Variants in LDAH observed in about 807,000 individuals in gnomAD.
The protein encoded by LDAH is lipid droplet associated hydrolase, also known as lipid droplet-associated hydrolase.
Under a neutral mutation model 29.6 loss-of-function variants are expected in LDAH, and 26 were observed. The ratio of observed to expected loss-of-function variants is 0.88; its 90% CI spans 0.64 to 1.22. The LOEUF is 1.22. Among genes scored for constraint, LDAH ranks in the 50% most tolerant of loss-of-function variants. LDAH has a pLI of 0.00. For missense variants in LDAH, 344 were observed against 387.3 expected (o/e 0.89, Z 0.94); for synonymous variants, 117 against 133.0 (o/e 0.88, Z 0.83).
At chr2:20,700,751 T>A (rs1013600914) in intron 6 of LDAH, among the ~76,000 whole-genome samples, 1 of 152,200 alleles carries the variant, frequency 6.6e-6, no homozygotes, top group African/African-American at 2.4e-5. Context: ...TAATAATATG[T>A]TTTACTTAAT....
chr2:20,764,776 G>C (rs1475179657), intron 4 of LDAH, among the ~76,000 whole-genome samples: 1 of 152,176 alleles, frequency 6.6e-6, no homozygotes, highest in Non-Finnish European at 1.5e-5. Flanking sequence ...CTAGAAAACA[G>C]GTAGTGGGAA....
chr2:20,726,557 A>G (rs67890248), intron 5 of LDAH, among the ~76,000 whole-genome samples: 35,682 of 151,912 alleles, frequency 0.23, 4,700 homozygotes, highest in East Asian at 0.35. Context: ...ACCTTCTTCC[A>G]AGGGAAAATT....
At chr2:20,822,866 G>A (rs1673433986) in intron 1 of LDAH, among the ~76,000 whole-genome samples, 171 bp downstream of exon 1, 1 of 152,222 alleles carries the variant, frequency 6.6e-6, no homozygotes. Flanking sequence ...AAGTGGCTCC[G>A]AACTCGCGAG....
intron 3 of LDAH, among the ~76,000 whole-genome samples, chr2:20,780,236 G>A (rs1400923499): frequency 6.6e-6 from 1 of 152,144 alleles, no homozygotes; most frequent in Non-Finnish European, 1.5e-5. Context: ...CCAAGCATAT[G>A]TTTTATAAAA....
At chr2:20,818,402 G>A (rs1489772569) in intron 1 of LDAH, among the ~76,000 whole-genome samples, 1 of 152,088 alleles carries the variant, frequency 6.6e-6, no homozygotes, top group African/African-American at 2.4e-5. Flanking sequence ...AAACATACAG[G>A]TGAAAGTCAA....
Position 20,701,658 on chromosome 2 carries a change from T to A in LDAH, c.704-6A>T, listed in dbSNP as rs879141271. On this transcript the variant is annotated splice_region_variant and splice_polypyrimidine_tract_variant and intron_variant, in intron 5 of 6. Coordinates refer to ENST00000237822, the MANE Select transcript of LDAH (RefSeq NM_021925.4). ...CCCAAGGTAGGCAGCATTAGCTACA[T>A]TTAAAAAATAAAAAGTCAAACATTT... 1 of 1,611,404 alleles carries A rather than the reference T, an allele frequency of 6.2e-7. No individual in the cohort carries two copies. Among genetic ancestry groups the A allele is most frequent in the Admixed American group, 1.7e-5 (1 of 60,004 alleles).
At chr2:20,726,638 A>T (rs1338989046) in intron 5 of LDAH, among the ~76,000 whole-genome samples, 1 of 152,148 alleles carries the variant, frequency 6.6e-6, no homozygotes, top group East Asian at 1.9e-4. Context: ...CAACAAAGTG[A>T]AAACTAGACC....
At chr2:20,705,152 C>T (rs1664213190) in intron 5 of LDAH, among the ~76,000 whole-genome samples, 1 of 152,148 alleles carries the variant, frequency 6.6e-6, no homozygotes, top group African/African-American at 2.4e-5. Flanking sequence ...TTTCTTTTCC[C>T]ACATGAATCA....
intron 4 of LDAH, among the ~76,000 whole-genome samples, chr2:20,750,356 C>T (rs1434150212): frequency 6.6e-6 from 1 of 152,202 alleles, no homozygotes; most frequent in Non-Finnish European, 1.5e-5. Flanking sequence ...GTCTCAGCTT[C>T]TGCAGAGCTC....
At chr2:20,809,111 G>T (rs1240159368) in intron 1 of LDAH, among the ~76,000 whole-genome samples, 1 of 152,020 alleles carries the variant, frequency 6.6e-6, no homozygotes, top group African/African-American at 2.4e-5. Flanking sequence ...GGAAAAGACT[G>T]CCAGGCGTGG....
intron 6 of LDAH, among the ~76,000 whole-genome samples, chr2:20,691,461 G>A (rs1484643016): frequency 1.3e-5 from 2 of 152,166 alleles, no homozygotes; most frequent in African/African-American, 4.8e-5. Flanking sequence ...ACAGGCGTGA[G>A]CCACAGCACC....
chr2:20,799,165 T>C (rs1262360609), intron 2 of LDAH, among the ~76,000 whole-genome samples: 2 of 151,926 alleles, frequency 1.3e-5, no homozygotes, highest in Admixed American at 1.3e-4. Flanking sequence ...AGGTGGAGGG[T>C]TGCAGTGAGC....
rs1420436115 is a variant in LDAH at position 20,759,668 on chromosome 2, A to C, written c.468+15142T>G. 5.9e-5 allele frequency among the ~76,000 whole-genome samples: 9 copies of C among 152,272 alleles called. No homozygotes were observed. The East Asian group carries it at 1.7e-3, about 29-fold the overall frequency. ...GAAGCTTCTATCTGAACTAAACAAAAGCCAAAAAGAGGCAATTTCACAGAA... is the reference window on the plus strand; with the variant it reads ...GAAGCTTCTATCTGAACTAAACAAACGCCAAAAAGAGGCAATTTCACAGAA... On this transcript the variant is annotated intron_variant, in intron 4 of 6. Transcript: ENST00000237822.
chr2:20,731,311 T>C (rs1474439202), intron 5 of LDAH, among the ~76,000 whole-genome samples: 2 of 152,178 alleles, frequency 1.3e-5, no homozygotes, highest in African/African-American at 4.8e-5. Context: ...TGGAGTTATC[T>C]CAAGATCTGG....
Position 20,692,038 on chromosome 2 carries a change from C to G in LDAH, c.787-4944G>C, listed in dbSNP as rs115107147. Among the ~76,000 whole-genome samples, 715 of 152,240 alleles carry G rather than the reference C, an allele frequency of 4.7e-3. 3 individuals carry two copies. The highest frequency in any genetic ancestry group is 8.1e-3 in the Non-Finnish European group (550 of 68,034). Reference sequence around the variant, plus strand: ...CCCCACTTTTTGGGGGGTCTACAAACAGCACTGTTGGACAGTGAATTGCTG... The same window carrying G: ...CCCCACTTTTTGGGGGGTCTACAAAGAGCACTGTTGGACAGTGAATTGCTG... On this transcript the variant is annotated intron_variant, in intron 6 of 6. Transcript: ENST00000237822.
chr2:20,685,036 T>A lies in LDAH; in HGVS notation c.*1867A>T, dbSNP rs1662464838. On this transcript the variant is annotated 3_prime_UTR_variant, in exon 7 of 7. Transcript: ENST00000237822. ...TACCCTCTCTTGCCCAACACAGAGA[T>A]CAGGCCAGACCAGGTCAGAAATGCT... The A allele has an allele frequency of 7.2e-7, 1 of 1,384,934 alleles. No individual in the cohort carries two copies. The highest frequency in any genetic ancestry group is 1.5e-5 in the African/African-American group (1 of 68,816). The allele number at this position is 1,384,934 out of a possible 1,614,324, so 85.8% of individuals were successfully genotyped here.
chr2:20,730,053 A>G lies in LDAH; in HGVS notation c.703+9918T>C, dbSNP rs568750103. Among the ~76,000 whole-genome samples, 46 of 152,328 alleles carry G rather than the reference A, an allele frequency of 3.0e-4. No individual in the cohort carries two copies. The Middle Eastern group carries it at 0.01, about 34-fold the overall frequency. ...ACTTCAAGAATGCTATATAAATGGA[A>G]TCACGCAGTATGTAAACCTTAAGGG... is the stretch of plus-strand genomic sequence containing the variant. On this transcript the variant is annotated intron_variant, in intron 5 of 6. Coordinates refer to ENST00000237822, the MANE Select transcript of LDAH (RefSeq NM_021925.4).
chr2:20,711,361 G>A (rs929774136), intron 5 of LDAH, among the ~76,000 whole-genome samples: 5 of 151,414 alleles, frequency 3.3e-5, no homozygotes, highest in African/African-American at 4.9e-5. Flanking sequence ...CTCTAGCCTC[G>A]GCGACAGAGC....
chr2:20,807,583 GA>G (rs1274418365), intron 1 of LDAH, among the ~76,000 whole-genome samples: 7 of 151,458 alleles, frequency 4.6e-5, no homozygotes, highest in Non-Finnish European at 1.0e-4. Flanking sequence ...ACAGAATAAA[GA>G]AAACTTATAT....
Sources: gnomAD v4.1 joint callset for allele counts (sites outside exome capture counted in the v4.1 genomes callset) on GRCh38, gnomAD v4.1.1 for gene constraint, MANE v1.5 for transcripts, NCBI Gene and HGNC (gene_info 2026-07-23, HGNC 2026-07-21) for gene names.